The following RASAL2 variants were observed in gnomAD, a reference collection of about 807,000 sequenced individuals.
RASAL2 encodes ras GTPase-activating protein nGAP.
Under a neutral mutation model 128.9 loss-of-function variants are expected in RASAL2, and 58 were observed. The ratio of observed to expected loss-of-function variants is 0.45; its 90% confidence interval spans 0.36 to 0.56. RASAL2 has a LOEUF of 0.56. Ranked by LOEUF, RASAL2 falls within the 20% of genes least tolerant of loss-of-function variation. RASAL2 has a pLI of 0.00. For missense variants in RASAL2, 1,360 were observed against 1,601.6 expected, an observed-to-expected ratio of 0.85 and a Z score of 2.57; for synonymous variants, 561 against 580.8, an observed-to-expected ratio of 0.97 and a Z score of 0.49.
chr1:178,284,869 C>T (rs150640970), intron 2 of RASAL2, among the ~76,000 whole-genome samples: 183 of 152,146 alleles, frequency 1.2e-3, no homozygotes, highest in African/African-American at 4.2e-3. Flanking sequence ...GTAGAATATC[C>T]ATTCAGTAAG....
At chr1:178,231,513 C>T (rs1664006741) in intron 1 of RASAL2, among the ~76,000 whole-genome samples, 1 of 152,056 alleles carries the variant, frequency 6.6e-6, no homozygotes. Context: ...ATGATGTCTT[C>T]TATTGAACAG....
In RASAL2 at chr1:178,462,443, A is replaced by G. The variant is rs570214485; in HGVS notation, c.3253-1835A>G. The stretch of plus-strand genomic sequence containing the variant: ...GCCCATTAGATTGACTAATTGGAAA[A>G]TAAGAGCAACGCTTATAAGACCAAG... On this transcript the variant is annotated intron_variant, in intron 14 of 17. Transcript: ENST00000367649. Among the ~76,000 whole-genome samples, 72 of 152,310 alleles carry G rather than the reference A, an allele frequency of 4.7e-4. No homozygotes were observed. The Middle Eastern group carries it at 0.01, about 22-fold the overall frequency.
chr1:178,166,711 G>A (rs1250522398), intron 1 of RASAL2, among the ~76,000 whole-genome samples: 1 of 152,028 alleles, frequency 6.6e-6, no homozygotes, highest in Non-Finnish European at 1.5e-5. Flanking sequence ...ATAAGACTTG[G>A]AAATATTCAA....
intron 1 of RASAL2, among the ~76,000 whole-genome samples, chr1:178,148,037 C>G (rs1200588646): frequency 6.6e-6 from 1 of 152,084 alleles, no homozygotes; most frequent in Admixed American, 6.5e-5. Flanking sequence ...TGCCACTGCA[C>G]TCCAGCCTGG....
chr1:178,198,659 A>G (rs1431732241), intron 1 of RASAL2, among the ~76,000 whole-genome samples: 2 of 152,190 alleles, frequency 1.3e-5, no homozygotes, highest in African/African-American at 2.4e-5. Flanking sequence ...AGAACAGCAA[A>G]TATTGCTGCC....
chr1:178,230,273 A>G (rs1404332415), intron 1 of RASAL2, among the ~76,000 whole-genome samples: 1 of 152,172 alleles, frequency 6.6e-6, no homozygotes, highest in Non-Finnish European at 1.5e-5. Context: ...ATTTAGGTAC[A>G]AGTATATATA....
intron 1 of RASAL2, among the ~76,000 whole-genome samples, chr1:178,223,120 CTT>C (rs1663666961): frequency 2.6e-5 from 4 of 152,236 alleles, no homozygotes; most frequent in African/African-American, 4.8e-5. Flanking sequence ...AGATCTCTCT[CTT>C]TTTATTAATT....
chr1:178,203,715 A>C (rs542306387), intron 1 of RASAL2, among the ~76,000 whole-genome samples: 1 of 152,336 alleles, frequency 6.6e-6, no homozygotes, highest in East Asian at 1.9e-4. Context: ...TTAAGTTAAC[A>C]GGCTAAGAAG....
chr1:178,168,552 TA>T (rs1208278476), intron 1 of RASAL2, among the ~76,000 whole-genome samples: 1 of 152,110 alleles, frequency 6.6e-6, no homozygotes, highest in Non-Finnish European at 1.5e-5. Context: ...TCTCTAGACC[TA>T]AAGTCTCATT....
intron 3 of RASAL2, among the ~76,000 whole-genome samples, chr1:178,374,387 G>C (rs892023106): frequency 6.6e-6 from 1 of 152,024 alleles, no homozygotes; most frequent in East Asian, 1.9e-4. Context: ...TGTGTCTTTT[G>C]GTAGCTATCA....
chr1:178,321,942 C>G (rs906061293), intron 3 of RASAL2, among the ~76,000 whole-genome samples: 1 of 151,366 alleles, frequency 6.6e-6, no homozygotes, highest in African/African-American at 2.4e-5. Context: ...GAGCCGAGAT[C>G]GCGCCATTGC....
chr1:178,370,328 A>G (rs1364535368), intron 3 of RASAL2, among the ~76,000 whole-genome samples: 3 of 152,202 alleles, frequency 2.0e-5, no homozygotes, highest in African/African-American at 4.8e-5. Flanking sequence ...CCTGTAGGCT[A>G]CTGATGTCCA....
At chr1:178,154,665 A>ATC (rs1661024630) in intron 1 of RASAL2, among the ~76,000 whole-genome samples, 1 of 152,232 alleles carries the variant, frequency 6.6e-6, no homozygotes. Flanking sequence ...TAAGTTGAAC[A>ATC]TCTTTGCATG....
At chr1:178,395,800 T>TATA (rs1673186760) in intron 4 of RASAL2, among the ~76,000 whole-genome samples, 1 of 148,060 alleles carries the variant, frequency 6.8e-6, no homozygotes, top group African/African-American at 2.5e-5. Flanking sequence ...TATTTATTTA[T>TATA]TCATATGTGT....
At chr1:178,330,460 T>C (rs1669243896) in intron 3 of RASAL2, among the ~76,000 whole-genome samples, 1 of 152,204 alleles carries the variant, frequency 6.6e-6, no homozygotes, top group Non-Finnish European at 1.5e-5. Flanking sequence ...TTATTTCTAA[T>C]ACATATTCTC....
intron 1 of RASAL2, among the ~76,000 whole-genome samples, chr1:178,128,068 A>G (rs1382039308): frequency 2.0e-5 from 3 of 152,124 alleles, no homozygotes; most frequent in East Asian, 1.9e-4. Flanking sequence ...CTGTAGTTCA[A>G]TTCTTTCATT....
intron 4 of RASAL2, among the ~76,000 whole-genome samples, chr1:178,414,131 A>G (rs1284117493): frequency 6.6e-6 from 1 of 152,234 alleles, no homozygotes; most frequent in Non-Finnish European, 1.5e-5. Context: ...TAAACCCATC[A>G]TAAGTCAAAA....
intron 4 of RASAL2, among the ~76,000 whole-genome samples, chr1:178,401,523 C>A: frequency 6.6e-6 from 1 of 152,118 alleles, no homozygotes; most frequent in East Asian, 1.9e-4. Flanking sequence ...GCCAGTAGTT[C>A]CAAGCTATTT....
At chr1:178,446,467 A>G (rs549570612) in intron 9 of RASAL2, among the ~76,000 whole-genome samples, 57 of 152,230 alleles carry the variant, frequency 3.7e-4, no homozygotes, top group Non-Finnish European at 7.1e-4. Context: ...AATTGATAAC[A>G]TATTTCATTT....
Sources: allele counts gnomAD v4.1 joint callset (sites outside exome capture counted in the v4.1 genomes callset), GRCh38; gene constraint gnomAD v4.1.1; transcripts MANE v1.5; gene names NCBI Gene and HGNC (gene_info 2026-07-23, HGNC 2026-07-21).